Variants in IKZF3 observed in about 807,000 individuals in gnomAD.
IKZF3 encodes IKAROS family zinc finger 3.
In IKZF3, 10 loss-of-function variants were observed where a neutral mutation model predicts 49.0. The ratio of observed to expected loss-of-function variants is 0.20; its 90% CI spans 0.13 to 0.35. IKZF3 has a LOEUF of 0.35. IKZF3 is among the 10% of genes least tolerant of loss of function. The pLI, the probability that IKZF3 is intolerant of heterozygous loss-of-function variation, is 1.00. For missense variants in IKZF3, 498 were observed against 664.8 expected, an observed-to-expected ratio of 0.75 and a Z score of 2.76; for synonymous variants, 209 against 228.2, an observed-to-expected ratio of 0.92 and a Z score of 0.76.
intron 3 of IKZF3, among the ~76,000 whole-genome samples, chr17:39,801,422 T>C (rs1213650116): frequency 6.6e-6 from 1 of 152,152 alleles, no homozygotes; most frequent in Admixed American, 6.5e-5. Flanking sequence ...TGAAAGCATC[T>C]AAATAGTTTA....
intron 5 of IKZF3, among the ~76,000 whole-genome samples, chr17:39,790,934 G>A (rs2143866668): frequency 6.6e-6 from 1 of 151,246 alleles, no homozygotes; most frequent in East Asian, 1.9e-4. Context: ...GAGGAAAGTT[G>A]GATTTAATAA....
intron 1 of IKZF3, among the ~76,000 whole-genome samples, chr17:39,844,883 G>C (rs949344897): frequency 6.6e-6 from 1 of 152,046 alleles, no homozygotes; most frequent in Non-Finnish European, 1.5e-5. Flanking sequence ...CAGGCTCCCA[G>C]ATCACCATCA....
chr17:39,809,745 TAAGAA>T (rs2061508528), intron 3 of IKZF3, among the ~76,000 whole-genome samples: 1 of 152,170 alleles, frequency 6.6e-6, no homozygotes, highest in Non-Finnish European at 1.5e-5. Context: ...CCATCAAAAT[TAAGAA>T]AAGAAAAGGC....
chr17:39,824,958 G>T (rs2061918517), intron 3 of IKZF3, among the ~76,000 whole-genome samples: 1 of 152,154 alleles, frequency 6.6e-6, no homozygotes, highest in Non-Finnish European at 1.5e-5. Context: ...GCCTCCCAAA[G>T]AGCTGGGATT....
intron 3 of IKZF3, among the ~76,000 whole-genome samples, chr17:39,807,184 A>C (rs1479283648): frequency 6.6e-6 from 1 of 152,198 alleles, no homozygotes; most frequent in Non-Finnish European, 1.5e-5. Flanking sequence ...GTCACACAGC[A>C]ATCAATAACT....
At chr17:39,854,566 C>T (rs902755065) in intron 1 of IKZF3, among the ~76,000 whole-genome samples, 2 of 152,106 alleles carry the variant, frequency 1.3e-5, no homozygotes, top group African/African-American at 4.8e-5. Flanking sequence ...CAAAAAATGT[C>T]ACTACGTTTC....
Position 39,864,272 on chromosome 17 carries a change from T to A in IKZF3, c.-146A>T. 1.1e-6 allele frequency: 1 copy of A among 910,728 alleles called. No homozygotes were observed. The highest frequency in any genetic ancestry group is 1.6e-6 in the Non-Finnish European group (1 of 608,884). The allele number at this position is 910,728 out of a possible 1,614,324, so 56.4% of individuals were successfully genotyped here. A position where few individuals can be genotyped will look rare whatever the true frequency, so the allele number is the denominator to read the frequency against. On this transcript the variant is annotated 5_prime_UTR_variant, in exon 1 of 8. Transcript: ENST00000346872. ...ATCCGGCAGCCGCGTCGGCGCAGAC[T>A]GAAAAGGGCAGGAGCCGGCGACCTG...
At chr17:39,825,753 CA>C (rs954843488) in intron 3 of IKZF3, among the ~76,000 whole-genome samples, 28 of 152,078 alleles carry the variant, frequency 1.8e-4, no homozygotes, top group Non-Finnish European at 3.4e-4. Context: ...GATTGAAGGA[CA>C]AAAAAATAAT....
At chr17:39,840,423 T>A (rs905689247) in intron 1 of IKZF3, among the ~76,000 whole-genome samples, 1 of 152,206 alleles carries the variant, frequency 6.6e-6, no homozygotes, top group African/African-American at 2.4e-5. Context: ...CAGGTGATAA[T>A]TTTTTTAATA....
chr17:39,786,758 C>G (rs1223304067), intron 6 of IKZF3, among the ~76,000 whole-genome samples: 1 of 152,022 alleles, frequency 6.6e-6, no homozygotes, highest in Non-Finnish European at 1.5e-5. Context: ...TGTGTATGAC[C>G]TGTTTGTTTT....
chr17:39,857,974 AAAAG>A (rs1474591008), intron 1 of IKZF3, among the ~76,000 whole-genome samples: 1 of 151,982 alleles, frequency 6.6e-6, no homozygotes, highest in Non-Finnish European at 1.5e-5. Flanking sequence ...AAAAAAAAAA[AAAAG>A]AGAGAGAGAG....
intron 1 of IKZF3, among the ~76,000 whole-genome samples, chr17:39,834,803 G>T (rs141222789): frequency 6.6e-6 from 1 of 152,212 alleles, no homozygotes. Flanking sequence ...ATGGGCAAGG[G>T]GGGTATCCCA....
intron 6 of IKZF3, 35 bp from the exon 7 acceptor site, chr17:39,777,802 G>T (rs773630034): frequency 1.3e-5 from 20 of 1,598,532 alleles, no homozygotes; most frequent in Non-Finnish European, 1.7e-5. Flanking sequence ...AGAGAGAAAA[G>T]AACACATTGG....
At chr17:39,778,254 T>C in intron 6 of IKZF3, 1 of 854,914 alleles carries the variant, frequency 1.2e-6, no homozygotes, top group African/African-American at 1.8e-5. Flanking sequence ...TAGCAAGACA[T>C]CTACTCAGTG....
chr17:39,831,159 A>C (rs528402551), intron 2 of IKZF3, among the ~76,000 whole-genome samples: 2 of 152,084 alleles, frequency 1.3e-5, no homozygotes, highest in Non-Finnish European at 2.9e-5. Flanking sequence ...AGGCGGGCGG[A>C]TCACCTGAGG....
At chr17:39,827,731 G>C (rs1010988351) in intron 3 of IKZF3, among the ~76,000 whole-genome samples, 1 of 152,200 alleles carries the variant, frequency 6.6e-6, no homozygotes, top group African/African-American at 2.4e-5. Context: ...AATTTGAATG[G>C]CTGAGCCACA....
intron 3 of IKZF3, among the ~76,000 whole-genome samples, chr17:39,828,958 G>A (rs1301129870): frequency 2.0e-5 from 3 of 151,974 alleles, no homozygotes; most frequent in African/African-American, 4.8e-5. Flanking sequence ...CCGAGATTGC[G>A]CCACTGCACT....
At chr17:39,814,692 A>G (rs2061638661) in intron 3 of IKZF3, among the ~76,000 whole-genome samples, 1 of 152,150 alleles carries the variant, frequency 6.6e-6, no homozygotes, top group Non-Finnish European at 1.5e-5. Context: ...TGCCATGACC[A>G]AGGAACACCA....
At chr17:39,851,704 G>A (rs2062880003) in intron 1 of IKZF3, among the ~76,000 whole-genome samples, 1 of 152,120 alleles carries the variant, frequency 6.6e-6, no homozygotes, top group Non-Finnish European at 1.5e-5. Context: ...CTAAGGTGAT[G>A]CAAGTGTTCC....
Sources: allele counts gnomAD v4.1 joint callset (sites outside exome capture counted in the v4.1 genomes callset), GRCh38; gene constraint gnomAD v4.1.1; transcripts MANE v1.5; gene names NCBI Gene and HGNC (gene_info 2026-07-23, HGNC 2026-07-21).